Variants in GATAD2B observed in about 807,000 individuals in gnomAD.
GATAD2B encodes the protein GATA zinc finger domain containing 2B.
In GATAD2B, 8 loss-of-function variants were observed where a neutral mutation model predicts 64.3. That is an observed-to-expected ratio of 0.12 (90% CI 0.07 to 0.22). GATAD2B has a LOEUF of 0.22. Ranked by LOEUF, GATAD2B falls within the 10% of genes least tolerant of loss-of-function variation. The pLI, the probability that GATAD2B is intolerant of heterozygous loss-of-function variation, is 1.00. For synonymous variants in GATAD2B, 281 were observed against 271.3 expected, an observed-to-expected ratio of 1.04 and a Z score of -0.35; for missense variants, 453 against 752.0, an observed-to-expected ratio of 0.60 and a Z score of 4.65.
intron 2 of GATAD2B, 22 bp from the exon 3 acceptor site, chr1:153,819,757 TAA>T: frequency 1.3e-6 from 2 of 1,572,306 alleles, no homozygotes; most frequent in Non-Finnish European, 1.7e-6. Flanking sequence ...AGGGAAAAAA[TAA>T]GCTATTTCCA....
At chr1:153,850,765 A>G (rs1363552100) in intron 1 of GATAD2B, among the ~76,000 whole-genome samples, 1 of 151,954 alleles carries the variant, frequency 6.6e-6, no homozygotes, top group Non-Finnish European at 1.5e-5. Flanking sequence ...TACTAAATAA[A>G]CAAAAATTAG....
chr1:153,888,933 A>C (rs932393840), intron 1 of GATAD2B, among the ~76,000 whole-genome samples: 1 of 152,126 alleles, frequency 6.6e-6, no homozygotes, highest in Non-Finnish European at 1.5e-5. Flanking sequence ...AAAAGAAAAA[A>C]ATATATAGCT....
intron 8 of GATAD2B, 42 bp from the exon 9 acceptor site, chr1:153,812,174 C>T (rs747701771): frequency 3.1e-6 from 3 of 969,862 alleles, no homozygotes; most frequent in Middle Eastern, 2.2e-4. Flanking sequence ...CAGGACAGCA[C>T]CCAATACCCA....
intron 1 of GATAD2B, chr1:153,853,419 T>C: frequency 1.6e-6 from 1 of 642,248 alleles, no homozygotes. Context: ...CCATTTTTCT[T>C]CCTGGAGAAA....
intron 1 of GATAD2B, among the ~76,000 whole-genome samples, chr1:153,891,396 C>T (rs1677393928): frequency 6.6e-6 from 1 of 150,800 alleles, no homozygotes; most frequent in Non-Finnish European, 1.5e-5. Flanking sequence ...GGTGAAACCC[C>T]ATCCCTACTC....
chr1:153,862,181 G>T (rs1022690044), intron 1 of GATAD2B, among the ~76,000 whole-genome samples: 1 of 144,454 alleles, frequency 6.9e-6, no homozygotes, highest in Non-Finnish European at 1.5e-5. Flanking sequence ...GGAGTGCAGC[G>T]GCGTGATCTC....
intron 1 of GATAD2B, among the ~76,000 whole-genome samples, chr1:153,876,821 G>A (rs552339444): frequency 6.0e-5 from 9 of 151,252 alleles, no homozygotes; most frequent in Non-Finnish European, 1.3e-4. Context: ...TGGCCAACAT[G>A]GTGAAACCCC....
Position 153,819,795 on chromosome 1 carries a change from T to G in GATAD2B, c.336-60A>C, listed in dbSNP as rs898458217. 2.0e-5 allele frequency: 30 copies of G among 1,496,208 alleles called. No homozygotes were observed. The African/African-American group carries it at 3.8e-4, about 19-fold the overall frequency. 92.7% of individuals were successfully genotyped at this position (1,496,208 alleles called of 1,614,324 possible). On this transcript the variant is annotated intron_variant, in intron 2 of 10. Coordinates refer to ENST00000368655, the MANE Select transcript of GATAD2B (RefSeq NM_020699.4). ...ACAAAAGTTAAGAAAACTTCTATGC[T>G]GAATTAAAAAAATCCAAGGGGGGCC...
At position 153,814,940 on chromosome 1, in the gene GATAD2B, C is replaced by T. The variant is rs550178824; in HGVS notation, c.1216+1333G>A. Among the ~76,000 whole-genome samples the T allele has an allele frequency of 2.7e-5, 4 of 150,064 alleles. No individual in the cohort carries two copies. The South Asian group carries it at 8.5e-4, about 32-fold the overall frequency. ...GCAGTGAGCTGAGATCATGCCATTG[C>T]ACTCTCTAGCCTGGGCAACAGAGCA... On this transcript the variant is annotated intron_variant, in intron 7 of 10. Transcript: ENST00000368655.
Position 153,816,690 on chromosome 1 carries a change from T to A in GATAD2B, c.901-102A>T, listed in dbSNP as rs1467880827. The stretch of plus-strand genomic sequence containing the variant: ...CTGTCTGATCCTGGTTTGGACTACT[T>A]AGCTTCTCCAAAAATAGGAGGTGGT... On this transcript the variant is annotated intron_variant, in intron 6 of 10. Transcript: ENST00000368655. This position sits in a 1 kb window ranked among gnomAD's most constrained non-coding sequence, Gnocchi z 4.9. 1.6e-5 allele frequency: 11 copies of A among 697,614 alleles called. No homozygotes were observed. Among genetic ancestry groups the A allele is most frequent in the Non-Finnish European group, 2.4e-5 (10 of 417,166 alleles). 43.2% of individuals were successfully genotyped at this position (697,614 alleles called of 1,614,324 possible).
At chr1:153,897,710 T>C (rs1390427671) in intron 1 of GATAD2B, among the ~76,000 whole-genome samples, 2 of 152,198 alleles carry the variant, frequency 1.3e-5, no homozygotes, top group South Asian at 2.1e-4. Context: ...TATATTGTAA[T>C]GGATTCAGAT....
Position 153,839,348 on chromosome 1 carries a change from G to C in GATAD2B, c.-1-11000C>G, listed in dbSNP as rs139949926. 2.0e-3 allele frequency among the ~76,000 whole-genome samples: 304 copies of C among 152,062 alleles called. 3 individuals carry two copies. Among genetic ancestry groups the C allele is most frequent in the African/African-American group, 6.9e-3 (288 of 41,462 alleles). On this transcript the variant is annotated intron_variant, in intron 1 of 10. Transcript: ENST00000368655. The stretch of plus-strand genomic sequence containing the variant: ...ATCCTGAGAGGCAGACAGAGGATAG[G>C]GGAATGAAGAGGGTGAACAAAATAA...
chr1:153,918,470 T>C lies in GATAD2B; in HGVS notation c.-2+4263A>G, dbSNP rs564815168. Among the ~76,000 whole-genome samples the C allele has an allele frequency of 4.6e-5, 7 of 152,314 alleles. No homozygotes were observed. The South Asian group carries it at 1.5e-3, about 32-fold the overall frequency. ...TCTTTCAGTTAACATTTGCAATCCTTCACAATTATAATGAGAATTTATTAA... is the reference window on the plus strand; with the variant it reads ...TCTTTCAGTTAACATTTGCAATCCTCCACAATTATAATGAGAATTTATTAA... On this transcript the variant is annotated intron_variant, in intron 1 of 10. Coordinates refer to ENST00000368655, the MANE Select transcript of GATAD2B (RefSeq NM_020699.4).
At chr1:153,853,283 T>C in intron 1 of GATAD2B, 1 of 901,076 alleles carries the variant, frequency 1.1e-6, no homozygotes, top group Non-Finnish European at 1.9e-6. Flanking sequence ...ACACACAGAC[T>C]TCAAGTAGGA....
intron 8 of GATAD2B, 150 bp downstream of exon 8, chr1:153,813,100 C>A (rs1570923609): frequency 1.6e-6 from 1 of 641,932 alleles, no homozygotes; most frequent in African/African-American, 1.8e-5. Flanking sequence ...AATACTCGCT[C>A]AAATGGAAAT....
intron 1 of GATAD2B, among the ~76,000 whole-genome samples, chr1:153,835,472 CAA>C (rs111567499): frequency 2.2e-5 from 3 of 133,486 alleles, no homozygotes; most frequent in Non-Finnish European, 3.3e-5. Context: ...CCTGTAATCT[CAA>C]AAAAAAAAAA....
At position 153,813,368 on chromosome 1, in the gene GATAD2B, T is replaced by C; in HGVS notation, c.1301A>G (p.Glu434Gly). 2 of 1,614,144 alleles carry C rather than the reference T, an allele frequency of 1.2e-6. No individual in the cohort carries two copies. Among genetic ancestry groups the C allele is most frequent in the Non-Finnish European group, 1.7e-6 (2 of 1,179,978 alleles). ...CTCACATAGAATCTTACCATTCTTT[T>C]CTTGCTTCCAGTGAGGGGTGAAATC... ...RTDFTPHWKQ[E>G]KNGKILCEQC... The change falls in exon 8 of 11, where the codon GAA (glutamate) becomes GGA (glycine). Residue 434 changes from glutamate to glycine, a missense_variant. Physicochemically the swap from Glu to Gly is moderately conservative, Grantham distance 98 (BLOSUM62 -2). Transcript: ENST00000368655.
intron 8 of GATAD2B, among the ~76,000 whole-genome samples, chr1:153,812,691 C>T (rs940903127): frequency 2.0e-5 from 3 of 152,132 alleles, no homozygotes; most frequent in Admixed American, 6.5e-5. Context: ...ACCCGATCTT[C>T]CAAAAAGTCC....
At chr1:153,920,832 C>A (rs1362010688) in intron 1 of GATAD2B, among the ~76,000 whole-genome samples, 2 of 152,172 alleles carry the variant, frequency 1.3e-5, no homozygotes, top group Non-Finnish European at 2.9e-5. Context: ...ACTATCACTG[C>A]CACTGGACTA....
Sources: gnomAD v4.1 joint callset for allele counts (sites outside exome capture counted in the v4.1 genomes callset) on GRCh38, gnomAD v4.1.1 for gene constraint, Gnocchi (gnomAD v3.1) non-coding constraint, MANE v1.5 for transcripts, NCBI Gene and HGNC (gene_info 2026-07-23, HGNC 2026-07-21) for gene names.